The following RIMS2 variants were observed in gnomAD, a reference collection of about 807,000 sequenced individuals.
RIMS2 encodes regulating synaptic membrane exocytosis 2, also known as regulating synaptic membrane exocytosis protein 2.
Under a neutral mutation model 174.4 loss-of-function variants are expected in RIMS2, and 59 were observed. The observed-to-expected ratio is 0.34, with a 90% CI of 0.27 to 0.42. RIMS2 has a LOEUF of 0.42. Ranked by LOEUF, RIMS2 falls within the 10% of genes least tolerant of loss-of-function variation. RIMS2 has a pLI of 1.00. For missense variants in RIMS2, 1,620 were observed against 1,666.3 expected (o/e 0.97, Z 0.48); for synonymous variants, 606 against 572.5 (o/e 1.06, Z -0.84).
At chr8:104,147,681 A>T (rs989724567) in intron 19 of RIMS2, among the ~76,000 whole-genome samples, 1 of 152,200 alleles carries the variant, frequency 6.6e-6, no homozygotes, top group Non-Finnish European at 1.5e-5. Context: ...TTGATGTGTA[A>T]ATAAGTATTT....
intron 1 of RIMS2, among the ~76,000 whole-genome samples, chr8:103,532,972 G>A (rs1448386503): frequency 6.6e-6 from 1 of 152,162 alleles, no homozygotes; most frequent in Admixed American, 6.5e-5. Flanking sequence ...ATGTATTAGT[G>A]CTGTAGTTAT....
exon 3 of RIMS2, chr8:103,766,254 AAAC>A (rs2154424195): frequency 6.2e-6 from 10 of 1,612,986 alleles, no homozygotes; most frequent in Middle Eastern, 1.7e-4. Flanking sequence ...TTTGTGCCGA[AAAC>A]AACAAGAAAT....
chr8:103,831,000 G>A (rs1044582075), intron 3 of RIMS2, among the ~76,000 whole-genome samples: 1 of 152,066 alleles, frequency 6.6e-6, no homozygotes, highest in Admixed American at 6.6e-5. Context: ...GTAGAGATGA[G>A]GTCTCACTGT....
At chr8:104,244,148 G>A (rs2099318081) in intron 19 of RIMS2, among the ~76,000 whole-genome samples, 1 of 152,076 alleles carries the variant, frequency 6.6e-6, no homozygotes, top group East Asian at 1.9e-4. Flanking sequence ...CACATCTGTA[G>A]TATTTGACTC....
intron 1 of RIMS2, among the ~76,000 whole-genome samples, chr8:103,611,624 G>A (rs919479719): frequency 2.0e-5 from 3 of 151,622 alleles, no homozygotes; most frequent in African/African-American, 7.3e-5. Context: ...CCTGGCCTGT[G>A]AAAAGTCAGC....
intron 1 of RIMS2, among the ~76,000 whole-genome samples, chr8:103,526,442 A>G (rs1175681679): frequency 1.3e-5 from 2 of 152,200 alleles, no homozygotes; most frequent in African/African-American, 2.4e-5. Context: ...TACAAGACAT[A>G]AGTTATATGA....
intron 1 of RIMS2, among the ~76,000 whole-genome samples, chr8:103,637,367 G>T (rs189625578): frequency 5.3e-5 from 8 of 152,066 alleles, no homozygotes; most frequent in Non-Finnish European, 2.9e-5. Flanking sequence ...TTCTTTTCTT[G>T]AATTTACTTT....
intron 1 of RIMS2, among the ~76,000 whole-genome samples, chr8:103,540,903 G>C (rs1424626169): frequency 2.0e-5 from 3 of 152,092 alleles, no homozygotes; most frequent in African/African-American, 7.2e-5. Flanking sequence ...CAGCAGCAGA[G>C]TTGATCAAGC....
At chr8:103,591,801 A>T (rs1053533151) in intron 1 of RIMS2, among the ~76,000 whole-genome samples, 3 of 151,074 alleles carry the variant, frequency 2.0e-5, no homozygotes, top group Admixed American at 2.0e-4. Flanking sequence ...ATTACTATGG[A>T]TTTAGAATAA....
At chr8:103,865,910 C>T (rs1282141894) in intron 3 of RIMS2, among the ~76,000 whole-genome samples, 1 of 152,132 alleles carries the variant, frequency 6.6e-6, no homozygotes, top group East Asian at 1.9e-4. Flanking sequence ...TGTGATAATG[C>T]AATTGGATTT....
chr8:103,902,916 T>C (rs2073522364), intron 4 of RIMS2, among the ~76,000 whole-genome samples: 1 of 152,164 alleles, frequency 6.6e-6, no homozygotes, highest in Admixed American at 6.5e-5. Flanking sequence ...CAGTGCCCTT[T>C]AACATTTTGC....
At chr8:104,013,330 A>G (rs553482408) in intron 17 of RIMS2, 112 bp from the exon 20 acceptor site, 27 of 830,666 alleles carry the variant, frequency 3.3e-5, no homozygotes, top group South Asian at 2.7e-4. Flanking sequence ...AAATTTTTAC[A>G]TACTCCATAA....
At chr8:103,562,429 C>G (rs1386229133) in intron 1 of RIMS2, among the ~76,000 whole-genome samples, 1 of 152,202 alleles carries the variant, frequency 6.6e-6, no homozygotes, top group Non-Finnish European at 1.5e-5. Flanking sequence ...AGTCATTAAA[C>G]CTTAAAGTTC....
chr8:103,772,867 A>G (rs1045549034), intron 3 of RIMS2, among the ~76,000 whole-genome samples: 5 of 152,202 alleles, frequency 3.3e-5, no homozygotes, highest in Non-Finnish European at 2.9e-5. Flanking sequence ...AGTGTTTTCA[A>G]CAAATGGTGC....
At chr8:104,123,675 TTAAC>T (rs1329463492) in intron 19 of RIMS2, among the ~76,000 whole-genome samples, 4 of 151,850 alleles carry the variant, frequency 2.6e-5, no homozygotes, top group African/African-American at 7.2e-5. Flanking sequence ...CAAATAGTGA[TTAAC>T]TAGTATTTTT....
intron 19 of RIMS2, among the ~76,000 whole-genome samples, chr8:104,224,395 C>T (rs1031830892): frequency 7.2e-5 from 11 of 152,180 alleles, no homozygotes; most frequent in African/African-American, 2.7e-4. Context: ...TTAAACTTTT[C>T]ACCAGTTGAT....
At chr8:103,992,276 T>A (rs1270698205) in intron 17 of RIMS2, among the ~76,000 whole-genome samples, 18 of 97,310 alleles carry the variant, frequency 1.8e-4, no homozygotes, top group Non-Finnish European at 2.9e-4. Flanking sequence ...GTCCAGCTAT[T>A]TTTTTTTTTT....
chr8:104,111,143 T>G (rs2098174065), intron 19 of RIMS2, among the ~76,000 whole-genome samples: 1 of 152,090 alleles, frequency 6.6e-6, no homozygotes, highest in Non-Finnish European at 1.5e-5. Context: ...TAAAATCAAG[T>G]AAGGATTAAC....
At chr8:103,905,312 C>T (rs1157996676) in intron 4 of RIMS2, among the ~76,000 whole-genome samples, 1 of 151,672 alleles carries the variant, frequency 6.6e-6, no homozygotes, top group Non-Finnish European at 1.5e-5. Flanking sequence ...TTTCTTTTGC[C>T]TGAGAATGTA....
Sources: gnomAD v4.1 joint callset for allele counts (sites outside exome capture counted in the v4.1 genomes callset) on GRCh38, gnomAD v4.1.1 for gene constraint, MANE v1.5 for transcripts, NCBI Gene and HGNC (gene_info 2026-07-23, HGNC 2026-07-21) for gene names.